THSD4: variants seen among roughly 807,000 people sequenced by gnomAD.
THSD4 encodes thrombospondin type-1 domain-containing protein 4.
THSD4 carries 69 observed loss-of-function variants against 119.0 expected under a neutral mutation model. The observed-to-expected ratio is 0.58, with a 90% CI of 0.48 to 0.71. THSD4 has a LOEUF of 0.71. THSD4 is among the 30% of genes least tolerant of loss of function. The pLI is 0.00. For missense variants in THSD4, 1,393 were observed against 1,391.1 expected (o/e 1.00, Z -0.02); for synonymous variants, 524 against 540.4 (o/e 0.97, Z 0.42).
intron 6 of THSD4, among the ~76,000 whole-genome samples, chr15:71,299,130 C>T (rs2044909073): frequency 6.6e-6 from 1 of 152,188 alleles, no homozygotes; most frequent in East Asian, 1.9e-4. Context: ...AATGAGGTAA[C>T]ATGACTGTTG....
At chr15:71,663,692 G>C (rs1292702911) in intron 8 of THSD4, among the ~76,000 whole-genome samples, 1 of 152,094 alleles carries the variant, frequency 6.6e-6, no homozygotes, top group African/African-American at 2.4e-5. Context: ...CCACTACCAG[G>C]TGTATCTAGC....
intron 6 of THSD4, among the ~76,000 whole-genome samples, chr15:71,391,191 G>A (rs1348761423): frequency 6.6e-6 from 1 of 152,062 alleles, no homozygotes; most frequent in African/African-American, 2.4e-5. Flanking sequence ...ACCACGCCCA[G>A]CTAATTTTTT....
intron 7 of THSD4, among the ~76,000 whole-genome samples, chr15:71,489,950 T>A (rs2047887535): frequency 6.6e-6 from 1 of 152,250 alleles, no homozygotes; most frequent in Non-Finnish European, 1.5e-5. Context: ...TTCTTTCTAA[T>A]CTTTTTTCCA....
At chr15:71,391,237 G>C (rs564100559) in intron 6 of THSD4, among the ~76,000 whole-genome samples, 1 of 152,214 alleles carries the variant, frequency 6.6e-6, no homozygotes, top group East Asian at 1.9e-4. Flanking sequence ...CACCGTGTTA[G>C]CCAGGATGGT....
intron 7 of THSD4, among the ~76,000 whole-genome samples, chr15:71,647,162 T>A (rs959495860): frequency 4.6e-5 from 7 of 152,166 alleles, no homozygotes; most frequent in African/African-American, 7.2e-5. Context: ...AGGATCGGTG[T>A]TTTTCCAACT....
At chr15:71,132,625 A>C (rs865886880) in intron 1 of THSD4, among the ~76,000 whole-genome samples, 4 of 152,176 alleles carry the variant, frequency 2.6e-5, no homozygotes, top group African/African-American at 9.7e-5. Context: ...TTCCTTAATA[A>C]ATAGATTTCC....
At chr15:71,446,942 G>T (rs2047190408) in intron 7 of THSD4, among the ~76,000 whole-genome samples, 1 of 152,068 alleles carries the variant, frequency 6.6e-6, no homozygotes, top group Non-Finnish European at 1.5e-5. Context: ...TGAGTCTCAT[G>T]CTCATCTGTA....
At chr15:71,524,094 T>C (rs2048480891) in intron 7 of THSD4, among the ~76,000 whole-genome samples, 1 of 152,110 alleles carries the variant, frequency 6.6e-6, no homozygotes, top group African/African-American at 2.4e-5. Flanking sequence ...TCCACACACC[T>C]CTGAAAAATA....
chr15:71,503,464 AC>A (rs899483271), intron 7 of THSD4, among the ~76,000 whole-genome samples: 3 of 152,022 alleles, frequency 2.0e-5, no homozygotes, highest in African/African-American at 7.3e-5. Flanking sequence ...AAGCCTCATG[AC>A]CTCACCTTAG....
chr15:71,421,689 G>A (rs1595751860), intron 7 of THSD4, among the ~76,000 whole-genome samples: 2 of 152,168 alleles, frequency 1.3e-5, no homozygotes, highest in Admixed American at 6.5e-5. Context: ...TACCCTTCTT[G>A]TACTTAAATA....
chr15:71,476,550 G>A (rs1217643171), intron 7 of THSD4, among the ~76,000 whole-genome samples: 1 of 152,140 alleles, frequency 6.6e-6, no homozygotes, highest in East Asian at 1.9e-4. Flanking sequence ...CCAACCCCTT[G>A]TATATCCCTG....
intron 4 of THSD4, 109 bp from the exon 5 acceptor site, chr15:71,242,540 C>G (rs1307096608): frequency 1.6e-6 from 2 of 1,215,748 alleles, no homozygotes; most frequent in Non-Finnish European, 2.3e-6. Context: ...TAGACCCTTT[C>G]CCAAGCTTCC....
At chr15:71,324,887 C>T (rs2045319725) in intron 6 of THSD4, among the ~76,000 whole-genome samples, 1 of 152,184 alleles carries the variant, frequency 6.6e-6, no homozygotes, top group Non-Finnish European at 1.5e-5. Flanking sequence ...AATCTCCAGA[C>T]TGTTTCCCAT....
rs73432419 is a variant in THSD4 at position 71,748,406 on chromosome 15, T to C, written c.2242-15T>C. On this transcript the variant is annotated splice_polypyrimidine_tract_variant and intron_variant, in intron 13 of 17. Transcript: ENST00000261862. ...AAGCTGCTGGTTCCCCTGACGTCAG[T>C]GTGCTGTGTTTCAGTGCTCGGTGCC... 7,547 of 1,613,720 alleles carry C rather than the reference T, an allele frequency of 4.7e-3. 288 individuals carry two copies. The African/African-American group carries it at 0.085, about 18-fold the overall frequency.
chr15:71,596,564 A>G (rs2049911016), intron 7 of THSD4, among the ~76,000 whole-genome samples: 1 of 152,196 alleles, frequency 6.6e-6, no homozygotes, highest in African/African-American at 2.4e-5. Context: ...ACAGAATAAG[A>G]TATTAGTTCT....
intron 3 of THSD4, among the ~76,000 whole-genome samples, chr15:71,210,513 T>G (rs1208605148): frequency 6.6e-6 from 1 of 152,184 alleles, no homozygotes; most frequent in Admixed American, 6.5e-5. Flanking sequence ...CTTATTTTTC[T>G]TGCTGCTTTG....
chr15:71,711,512 AG>A (rs2052515438), intron 8 of THSD4, among the ~76,000 whole-genome samples: 1 of 152,180 alleles, frequency 6.6e-6, no homozygotes, highest in Non-Finnish European at 1.5e-5. Context: ...GTACAAAAAA[AG>A]AAAGGAAAAA....
At chr15:71,194,830 T>C (rs542877826) in intron 3 of THSD4, among the ~76,000 whole-genome samples, 2 of 152,232 alleles carry the variant, frequency 1.3e-5, no homozygotes, top group South Asian at 2.1e-4. Context: ...ATGGCTCTTC[T>C]GCAGAGGAAT....
In THSD4 at chr15:71,487,139, A is replaced by G. The variant is rs575539944; in HGVS notation, c.1152+75316A>G. On this transcript the variant is annotated intron_variant, in intron 7 of 17. Transcript: ENST00000261862. ...ACATTCAGCTGTATGCCAGTGCAAC[A>G]TGCTTCTGACCTTGCATTTCCTCGT... Among the ~76,000 whole-genome samples the G allele has an allele frequency of 3.1e-3, 471 of 152,306 alleles. 4 individuals are homozygous for G. Among genetic ancestry groups the G allele is most frequent in the Non-Finnish European group, 5.3e-3 (361 of 68,018 alleles).
Sources: gnomAD v4.1 joint callset for allele counts (sites outside exome capture counted in the v4.1 genomes callset) on GRCh38, gnomAD v4.1.1 for gene constraint, MANE v1.5 for transcripts, NCBI Gene and HGNC (gene_info 2026-07-23, HGNC 2026-07-21) for gene names.